The following ILDR1 variants were observed in gnomAD, a reference collection of about 807,000 sequenced individuals.
ILDR1 encodes immunoglobulin-like domain-containing receptor 1.
ILDR1 carries 56 observed loss-of-function variants against 62.4 expected under a neutral mutation model. That is an observed-to-expected ratio of 0.90 (90% CI 0.72 to 1.12). ILDR1 has a LOEUF of 1.12. Among genes scored for constraint, ILDR1 ranks in the 50% most tolerant of loss-of-function variants. The pLI is 0.00. For missense variants in ILDR1, 736 were observed against 710.6 expected (o/e 1.04, Z -0.41); for synonymous variants, 284 against 277.8 (o/e 1.02, Z -0.22).
At chr3:122,006,963 A>G in intron 2 of ILDR1, 28 bp downstream of exon 2, 1 of 1,603,952 alleles carries the variant, frequency 6.2e-7, no homozygotes, top group Non-Finnish European at 8.5e-7. Flanking sequence ...TGGGACCCAC[A>G]GAGGGCCAAG....
At chr3:122,028,335 CAAAAA>C in the ILDR1 span, among the ~76,000 whole-genome samples, 21 of 95,500 alleles carry the variant, frequency 2.2e-4, no homozygotes, top group African/African-American at 5.5e-4. Flanking sequence ...GACTCCATCT[CAAAAA>C]AAAAAAAAAA....
At chr3:122,044,586 A>T in the ILDR1 span, among the ~76,000 whole-genome samples, 4 of 151,490 alleles carry the variant, frequency 2.6e-5, no homozygotes, top group Admixed American at 2.6e-4. Flanking sequence ...TTATTGCCAC[A>T]ATTTCAGCTC....
intron 1 of ILDR1, among the ~76,000 whole-genome samples, chr3:122,019,059 TA>T (rs1239506491): frequency 6.6e-6 from 1 of 151,990 alleles, no homozygotes. Context: ...ACTGTGATGT[TA>T]AAAAAAATTC....
At chr3:121,991,184 A>G (rs1477338177) in intron 7 of ILDR1, among the ~76,000 whole-genome samples, 1 of 152,028 alleles carries the variant, frequency 6.6e-6, no homozygotes, top group Non-Finnish European at 1.5e-5. Flanking sequence ...TGGTGACAGA[A>G]CGAGACTCTG....
At chr3:122,015,589 C>T (rs557746408) in intron 1 of ILDR1, among the ~76,000 whole-genome samples, 1 of 152,302 alleles carries the variant, frequency 6.6e-6, no homozygotes, top group African/African-American at 2.4e-5. Flanking sequence ...ACTGGGCAAT[C>T]ATTTCTCCTG....
In ILDR1 at chr3:122,005,291, G is replaced by T; in HGVS notation, c.332C>A (p.Pro111His). The T allele has an allele frequency of 1.2e-6, 2 of 1,613,776 alleles. No individual in the cohort carries two copies. The highest frequency in any genetic ancestry group is 1.7e-6 in the Non-Finnish European group (2 of 1,179,906). ...CTGCCGGTAATCTACCCCCAGCACG[G>T]GCTCATTCTGCCCCCGCCGCTGGGC... is the stretch of plus-strand genomic sequence containing the variant. ...IVAQRRGQNEPVLGVDYRQRK... is the reference protein window; with the variant it reads ...IVAQRRGQNEHVLGVDYRQRK... Residue 111 changes from proline to histidine, a missense_variant, in exon 3 of 8, where the codon CCC becomes CAC. Coordinates refer to ENST00000344209, the MANE Select transcript of ILDR1 (RefSeq NM_001199799.2).
chr3:122,047,633 C>G, the ILDR1 span, among the ~76,000 whole-genome samples: 1 of 152,120 alleles, frequency 6.6e-6, no homozygotes, highest in African/African-American at 2.4e-5. Flanking sequence ...GTTTTTTAAG[C>G]CGGTCTGAAA....
At chr3:121,997,679 A>C (rs1423152887) in intron 5 of ILDR1, among the ~76,000 whole-genome samples, 2 of 152,118 alleles carry the variant, frequency 1.3e-5, no homozygotes, top group East Asian at 1.9e-4. Context: ...GCAGAAGGAG[A>C]TGGGGCAGGA....
the ILDR1 span, among the ~76,000 whole-genome samples, chr3:122,057,715 G>T: frequency 2.0e-5 from 3 of 152,138 alleles, no homozygotes; most frequent in Non-Finnish European, 4.4e-5. Context: ...TTAGCCCTTT[G>T]CATTTATCTT....
Position 121,993,439 on chromosome 3 carries a change from G to C in ILDR1, c.1310C>G (p.Pro437Arg), listed in dbSNP as rs774688440. The C allele has an allele frequency of 2.5e-6, 4 of 1,613,940 alleles. No homozygotes were observed. In the South Asian group the frequency reaches 3.3e-5, roughly 13 times the overall value. Reference sequence around the variant, plus strand: ...CTCCTGACAGCGGCTCCTGAAAGGAGGGTGGCTCGGCCGCCAGCGTGCCTC... The same window carrying C: ...CTCCTGACAGCGGCTCCTGAAAGGACGGTGGCTCGGCCGCCAGCGTGCCTC... ...SSEARWRPSH[P>R]PFRSRCQERP... The change falls in exon 7 of 8, where the codon CCT becomes CGT. Residue 437 changes from proline (P) to arginine (R), a missense_variant. Physicochemically the swap from Pro to Arg is moderately radical, Grantham distance 103. Coordinates refer to ENST00000344209, the MANE Select transcript of ILDR1 (RefSeq NM_001199799.2).
At chr3:122,047,033 T>C in the ILDR1 span, among the ~76,000 whole-genome samples, 8 of 145,416 alleles carry the variant, frequency 5.5e-5, no homozygotes, top group Middle Eastern at 3.5e-3. Flanking sequence ...TTCTGTTTTT[T>C]CCCCATCTTT....
chr3:122,000,804 A>T (rs933060702), intron 5 of ILDR1, among the ~76,000 whole-genome samples: 1 of 152,194 alleles, frequency 6.6e-6, no homozygotes, highest in African/African-American at 2.4e-5. Flanking sequence ...ATTGAGTTAA[A>T]TTATAGGACA....
At chr3:122,052,676 C>A in the ILDR1 span, among the ~76,000 whole-genome samples, 1 of 152,194 alleles carries the variant, frequency 6.6e-6, no homozygotes, top group African/African-American at 2.4e-5. Context: ...CGGGTTCAAG[C>A]AATTCTCCTG....
In ILDR1 at chr3:122,003,783, G is replaced by GAA. The variant is rs113725472; in HGVS notation, c.379+1459_379+1460dup. Among the ~76,000 whole-genome samples the GAA allele has an allele frequency of 8.9e-4, 130 of 145,606 alleles. 1 individual carries two copies. In the East Asian group the frequency reaches 0.012, roughly 14 times the overall value. ...GAAGGTATTTACCTTCACGTTTTTA[G>GAA]AAAAAAAAAAATAATAAGAGCAGGG... On this transcript the variant is annotated intron_variant, in intron 3 of 7. Coordinates refer to ENST00000344209, the MANE Select transcript of ILDR1 (RefSeq NM_001199799.2).
the ILDR1 span, among the ~76,000 whole-genome samples, chr3:122,036,460 G>A: frequency 6.6e-6 from 1 of 151,884 alleles, no homozygotes; most frequent in African/African-American, 2.4e-5. Context: ...ATGGTGGTGG[G>A]CACCTGTAGT....
the ILDR1 span, among the ~76,000 whole-genome samples, chr3:122,033,366 G>A: frequency 2.0e-5 from 3 of 151,804 alleles, no homozygotes; most frequent in African/African-American, 7.2e-5. Flanking sequence ...GTTTGTAGAA[G>A]TTTCTTATGT....
In ILDR1 at chr3:122,001,298, C is replaced by T. The variant is rs2071520354; in HGVS notation, c.646+10G>A. 2 of 1,613,998 alleles carry T rather than the reference C, an allele frequency of 1.2e-6. No individual in the cohort carries two copies. Among genetic ancestry groups the T allele is most frequent in the Admixed American group, 3.3e-5 (2 of 59,994 alleles). On this transcript the variant is annotated intron_variant, in intron 5 of 7. Transcript: ENST00000344209. The stretch of plus-strand genomic sequence containing the variant: ...CCACTCCATTCCACTGCTTGTCTGT[C>T]CCCTCTCACCTTCCTCAGGACAGCA...
At chr3:121,997,020 C>A (rs1255834170) in intron 5 of ILDR1, among the ~76,000 whole-genome samples, 1 of 152,208 alleles carries the variant, frequency 6.6e-6, no homozygotes, top group East Asian at 1.9e-4. Flanking sequence ...TCTGTCTCAG[C>A]CTCCCGAGTA....
At chr3:122,023,000 CAA>C (rs2071887217), upstream of ILDR1, among the ~76,000 whole-genome samples, 1 of 150,506 alleles carries the variant, frequency 6.6e-6, no homozygotes, top group African/African-American at 2.4e-5. Context: ...GAAGTTGACT[CAA>C]GTTTCTACAA....
Sources: gnomAD v4.1 joint callset for allele counts (sites outside exome capture counted in the v4.1 genomes callset) on GRCh38, gnomAD v4.1.1 for gene constraint, MANE v1.5 for transcripts, NCBI Gene and HGNC (gene_info 2026-07-23, HGNC 2026-07-21) for gene names.